MFHAS1: variants seen among roughly 807,000 people sequenced by gnomAD.
The protein encoded by MFHAS1 is malignant fibrous histiocytoma-amplified sequence 1.
MFHAS1 carries 50 observed loss-of-function variants against 70.4 expected under a neutral mutation model. The observed-to-expected ratio is 0.71, with a 90% CI of 0.57 to 0.90. The LOEUF is 0.90. Among genes scored for constraint, MFHAS1 ranks in the 40% least tolerant of loss-of-function variants. The probability of loss-of-function intolerance (pLI) is 0.00; values close to 1 mark genes in which losing one functional copy is unlikely to be tolerated. For missense variants in MFHAS1, 1,795 were observed against 1,347.6 expected, an observed-to-expected ratio of 1.33 and a Z score of -5.20; for synonymous variants, 952 against 620.0, an observed-to-expected ratio of 1.54 and a Z score of -7.96.
In MFHAS1 at chr8:8,848,184, C is replaced by G. The variant is rs1297660704; in HGVS notation, c.2998+41877G>C. On this transcript the variant is annotated intron_variant, in intron 1 of 2. Transcript: ENST00000276282. ...CTTTTAGCCGAGCTCCCAGAGTGTTCCACCTGACACCACAGGGTTTGCAGT... is the reference window on the plus strand; with the variant it reads ...CTTTTAGCCGAGCTCCCAGAGTGTTGCACCTGACACCACAGGGTTTGCAGT... 3.3e-5 allele frequency among the ~76,000 whole-genome samples: 5 copies of G among 152,302 alleles called. No individual in the cohort carries two copies. The East Asian group carries it at 9.7e-4, about 29-fold the overall frequency.
At chr8:8,794,848 C>A (rs1805837579) in intron 2 of MFHAS1, among the ~76,000 whole-genome samples, 1 of 152,176 alleles carries the variant, frequency 6.6e-6, no homozygotes, top group Non-Finnish European at 1.5e-5. Context: ...GCCGCTTACC[C>A]ATGACTTTAG....
chr8:8,879,645 TC>T (rs1809434479), intron 1 of MFHAS1, among the ~76,000 whole-genome samples: 1 of 152,038 alleles, frequency 6.6e-6, no homozygotes, highest in African/African-American at 2.4e-5. Context: ...AAGCCAGGGT[TC>T]CCCCCAAAGT....
chr8:8,832,954 G>T (rs1274612175), intron 1 of MFHAS1, among the ~76,000 whole-genome samples: 1 of 152,072 alleles, frequency 6.6e-6, no homozygotes, highest in African/African-American at 2.4e-5. Flanking sequence ...AGGCTTAATT[G>T]GCTCACAGTT....
In MFHAS1 at chr8:8,784,572, T is replaced by G. The variant is rs1048089774; in HGVS notation, c.*1450A>C. 6.6e-6 allele frequency: 1 copy of G among 152,228 alleles called. No individual in the cohort carries two copies. The highest frequency in any genetic ancestry group is 2.4e-5 in the African/African-American group (1 of 41,454). The allele number at this position is 152,228 out of a possible 1,614,324, so 9.4% of individuals were successfully genotyped here. ...TTCTAGCAGGGCAGTCGCTTGCTCCTTATTTCTTTTAAAAAACATGTTGAG... is the reference window on the plus strand; with the variant it reads ...TTCTAGCAGGGCAGTCGCTTGCTCCGTATTTCTTTTAAAAAACATGTTGAG... On this transcript the variant is annotated 3_prime_UTR_variant, in exon 3 of 3. Coordinates refer to ENST00000276282, the MANE Select transcript of MFHAS1 (RefSeq NM_004225.3).
Position 8,865,990 on chromosome 8 carries a change from C to A in MFHAS1, c.2998+24071G>T, listed in dbSNP as rs150789269. On this transcript the variant is annotated intron_variant, in intron 1 of 2. Coordinates refer to ENST00000276282, the MANE Select transcript of MFHAS1 (RefSeq NM_004225.3). ...GACAGTGCAGCCACGGAAAAAGTGC[C>A]AAAGCATGCCAACCTCAAACAGAGG... 7.7e-3 allele frequency among the ~76,000 whole-genome samples: 1,178 copies of A among 152,330 alleles called. 12 individuals are homozygous for A. Among genetic ancestry groups the A allele is most frequent in the African/African-American group, 0.027 (1,116 of 41,574 alleles).
rs1048459685 is a variant in MFHAS1, at chr8:8,881,671, T to C, written c.2998+8390A>G. ...CACCATGGTGAAACGCTGTCTCTACTAAAAATACAAAAATTAGTCAGGCGT... is the reference window on the plus strand; with the variant it reads ...CACCATGGTGAAACGCTGTCTCTACCAAAAATACAAAAATTAGTCAGGCGT... On this transcript the variant is annotated intron_variant, in intron 1 of 2. Transcript: ENST00000276282. Among the ~76,000 whole-genome samples the C allele has an allele frequency of 4.6e-5, 7 of 152,162 alleles. No individual in the cohort carries two copies. The East Asian group carries it at 1.4e-3, about 29-fold the overall frequency.
chr8:8,865,984 A>G (rs1808841368), intron 1 of MFHAS1, among the ~76,000 whole-genome samples: 1 of 152,192 alleles, frequency 6.6e-6, no homozygotes, highest in Admixed American at 6.5e-5. Context: ...GCCACGGAAA[A>G]AGTGCCAAAG....
intron 1 of MFHAS1, among the ~76,000 whole-genome samples, chr8:8,868,215 T>C (rs1808935412): frequency 6.6e-6 from 1 of 151,954 alleles, no homozygotes; most frequent in African/African-American, 2.4e-5. Flanking sequence ...GAATCTAGAA[T>C]CAATGAATAA....
chr8:8,789,650 C>T (rs28583936), intron 2 of MFHAS1, among the ~76,000 whole-genome samples: 16,476 of 152,184 alleles, frequency 0.11, 1,044 homozygotes, highest in Non-Finnish European at 0.15. Context: ...TTTCCTACTC[C>T]GGACCTTGCA....
At chr8:8,819,151 G>C (rs1344064599) in intron 1 of MFHAS1, among the ~76,000 whole-genome samples, 1 of 151,980 alleles carries the variant, frequency 6.6e-6, no homozygotes, top group Non-Finnish European at 1.5e-5. Flanking sequence ...ATATTTTGCA[G>C]TGTATATATT....
chr8:8,810,387 G>C (rs1035090047), intron 1 of MFHAS1, among the ~76,000 whole-genome samples: 2 of 152,070 alleles, frequency 1.3e-5, no homozygotes, highest in African/African-American at 2.4e-5. Flanking sequence ...TGATCAGAAG[G>C]CGTATACAGT....
At chr8:8,884,005 T>G (rs935570394) in intron 1 of MFHAS1, among the ~76,000 whole-genome samples, 5 of 147,324 alleles carry the variant, frequency 3.4e-5, no homozygotes, top group African/African-American at 1.0e-4. Flanking sequence ...CAAGACCAGC[T>G]TGGGCAACAT....
intron 1 of MFHAS1, among the ~76,000 whole-genome samples, chr8:8,821,033 G>A (rs947951169): frequency 7.9e-5 from 12 of 152,154 alleles, no homozygotes; most frequent in Admixed American, 2.6e-4. Context: ...GACAGCCTAC[G>A]TGAGTCAGCA....
In MFHAS1 at chr8:8,852,272, G is replaced by A. The variant is rs541491468; in HGVS notation, c.2998+37789C>T. 2.5e-3 allele frequency among the ~76,000 whole-genome samples: 374 copies of A among 152,222 alleles called. 2 individuals carry two copies. Among genetic ancestry groups the A allele is most frequent in the African/African-American group, 7.8e-3 (326 of 41,542 alleles). ...GCAGATCACTTGAGGTCAGGAATTC[G>A]AGACCAGCCTGTGCAACATGGTGAA... On this transcript the variant is annotated intron_variant, in intron 1 of 2. Coordinates refer to ENST00000276282, the MANE Select transcript of MFHAS1 (RefSeq NM_004225.3).
intron 1 of MFHAS1, 74 bp downstream of exon 1, chr8:8,889,987 A>C (rs1585076133): frequency 7.8e-7 from 1 of 1,277,338 alleles, no homozygotes; most frequent in East Asian, 2.4e-5. Context: ...ACATTCTGCC[A>C]AATGACAACC....
rs1810085551 is a variant in MFHAS1, at chr8:8,892,190, G to T, written c.869C>A (p.Ala290Asp). The change falls in exon 1 of 3, where the codon GCC becomes GAC. Residue 290 changes from alanine (A) to aspartate (D), a missense_variant. Coordinates refer to ENST00000276282, the MANE Select transcript of MFHAS1 (RefSeq NM_004225.3). This position sits in a 1 kb window ranked among gnomAD's most constrained non-coding sequence, Gnocchi z 4.7. Reference sequence around the variant, plus strand: ...CAGACCAGCCAGGGGCAGCAGCGCGGCAGGGAACTCCTCGAAGAGGTTGGA... The same window carrying T: ...CAGACCAGCCAGGGGCAGCAGCGCGTCAGGGAACTCCTCGAAGAGGTTGGA... ...LSSNLFEEFP[A>D]ALLPLAGLEE... 6.2e-7 allele frequency: 1 copy of T among 1,609,982 alleles called. No homozygotes were observed. The highest frequency in any genetic ancestry group is 8.5e-7 in the Non-Finnish European group (1 of 1,179,998).
chr8:8,815,199 T>C (rs926957022), intron 1 of MFHAS1, among the ~76,000 whole-genome samples: 2 of 152,184 alleles, frequency 1.3e-5, no homozygotes, highest in African/African-American at 4.8e-5. Flanking sequence ...CATGATCTTG[T>C]TCCTTTTTAT....
chr8:8,828,526 C>T (rs571823278), intron 1 of MFHAS1, among the ~76,000 whole-genome samples: 2 of 152,254 alleles, frequency 1.3e-5, no homozygotes, highest in African/African-American at 4.8e-5. Context: ...GGCCCTAGTC[C>T]ACATTGCTCA....
chr8:8,883,541 C>A (rs916475040), intron 1 of MFHAS1, among the ~76,000 whole-genome samples: 1 of 151,700 alleles, frequency 6.6e-6, no homozygotes, highest in Admixed American at 6.6e-5. Context: ...AACCTCGTTT[C>A]TACTAAAATT....
Sources: allele counts gnomAD v4.1 joint callset (sites outside exome capture counted in the v4.1 genomes callset), GRCh38; gene constraint gnomAD v4.1.1; non-coding constraint Gnocchi (gnomAD v3.1); transcripts MANE v1.5; gene names NCBI Gene and HGNC (gene_info 2026-07-23, HGNC 2026-07-21).